FUT8: variants seen among roughly 807,000 people sequenced by gnomAD.
FUT8 encodes the protein fucosyltransferase 8.
A neutral mutation model predicts 71.3 loss-of-function variants in FUT8; 29 were observed. The ratio of observed to expected loss-of-function variants is 0.41; its 90% confidence interval spans 0.30 to 0.55. The LOEUF is 0.55. Among genes scored for constraint, FUT8 ranks in the 20% least tolerant of loss-of-function variants. The probability of loss-of-function intolerance (pLI) is 0.34; values close to 1 mark genes in which losing one functional copy is unlikely to be tolerated. For missense variants in FUT8, 544 were observed against 702.1 expected, an observed-to-expected ratio of 0.77 and a Z score of 2.55; for synonymous variants, 254 against 239.3, an observed-to-expected ratio of 1.06 and a Z score of -0.57.
chr14:65,713,042 AC>A (rs891410097), intron 7 of FUT8, among the ~76,000 whole-genome samples: 1 of 151,468 alleles, frequency 6.6e-6, no homozygotes, highest in Non-Finnish European at 1.5e-5. Context: ...ATCCTCCCTT[AC>A]CCCCCACCTC....
intron 2 of FUT8, among the ~76,000 whole-genome samples, chr14:65,525,717 C>G (rs910840143): frequency 6.6e-6 from 1 of 152,232 alleles, no homozygotes; most frequent in Non-Finnish European, 1.5e-5. Flanking sequence ...AAATTTCCCT[C>G]TACAGACTGC....
chr14:65,565,433 A>G (rs1051664444), intron 3 of FUT8, among the ~76,000 whole-genome samples: 1 of 151,070 alleles, frequency 6.6e-6, no homozygotes, highest in Non-Finnish European at 1.5e-5. Flanking sequence ...GGTTATTTCC[A>G]TTTTGGGGCA....
In FUT8 at chr14:65,525,700, G is replaced by T. The variant is rs576823140; in HGVS notation, c.-227-35637G>T. ...TCCTGCTTTCTCTTGTGGGCATTTAGTGCTATAAATTTCCCTCTACAGACT... is the reference window on the plus strand; with the variant it reads ...TCCTGCTTTCTCTTGTGGGCATTTATTGCTATAAATTTCCCTCTACAGACT... On this transcript the variant is annotated intron_variant, in intron 2 of 10. Coordinates refer to ENST00000673929, the MANE Select transcript of FUT8 (RefSeq NM_001371533.1). Among the ~76,000 whole-genome samples the T allele has an allele frequency of 1.1e-4, 16 of 152,290 alleles. No individual in the cohort carries two copies. In the South Asian group the frequency reaches 2.9e-3, roughly 28 times the overall value.
chr14:65,691,225 C>T (rs551962074), intron 7 of FUT8, among the ~76,000 whole-genome samples: 2 of 151,026 alleles, frequency 1.3e-5, no homozygotes, highest in African/African-American at 4.9e-5. Context: ...ATCTGTATAC[C>T]TTTTCTTTCT....
chr14:65,687,182 T>C (rs1423758090), intron 7 of FUT8, among the ~76,000 whole-genome samples: 1 of 152,154 alleles, frequency 6.6e-6, no homozygotes, highest in Non-Finnish European at 1.5e-5. Flanking sequence ...GCCCTCTCTT[T>C]AGTCAAAGAG....
At chr14:65,433,839 A>G (rs900632105) in intron 1 of FUT8, among the ~76,000 whole-genome samples, 10 of 143,702 alleles carry the variant, frequency 7.0e-5, no homozygotes, top group African/African-American at 2.5e-4. Context: ...CCAGGTTGGA[A>G]CACAGTGGCT....
chr14:65,553,975 T>G (rs1001006858), intron 2 of FUT8, among the ~76,000 whole-genome samples: 2 of 152,086 alleles, frequency 1.3e-5, no homozygotes, highest in Non-Finnish European at 2.9e-5. Flanking sequence ...AGCTAACATC[T>G]CTTTAAATGT....
At chr14:65,516,343 G>T (rs1433173240) in intron 2 of FUT8, 1 of 152,156 alleles carries the variant, frequency 6.6e-6, no homozygotes, top group Non-Finnish European at 1.5e-5. Flanking sequence ...TCAAAACTTA[G>T]TTGAAAATCA....
At chr14:65,555,655 A>G (rs1885548084) in intron 2 of FUT8, among the ~76,000 whole-genome samples, 1 of 152,232 alleles carries the variant, frequency 6.6e-6, no homozygotes, top group South Asian at 2.1e-4. Flanking sequence ...TCTAGGCAGA[A>G]GGCTAAAGTG....
At chr14:65,589,260 A>G (rs1391623771) in intron 3 of FUT8, among the ~76,000 whole-genome samples, 2 of 152,182 alleles carry the variant, frequency 1.3e-5, no homozygotes, top group Non-Finnish European at 1.5e-5. Flanking sequence ...TTAAATGTCA[A>G]AATCTACAAT....
chr14:65,557,564 C>A (rs1885660975), intron 2 of FUT8, among the ~76,000 whole-genome samples: 1 of 151,496 alleles, frequency 6.6e-6, no homozygotes, highest in South Asian at 2.1e-4. Flanking sequence ...AACTCCTGAC[C>A]TTGTGATCCA....
At chr14:65,417,883 G>A (rs866531130) in intron 1 of FUT8, among the ~76,000 whole-genome samples, 1 of 152,044 alleles carries the variant, frequency 6.6e-6, no homozygotes, top group Admixed American at 6.6e-5. Flanking sequence ...TGTATTTGTT[G>A]TATTTTATAA....
At chr14:65,623,830 T>C (rs1889754527) in intron 5 of FUT8, among the ~76,000 whole-genome samples, 1 of 152,216 alleles carries the variant, frequency 6.6e-6, no homozygotes, top group Non-Finnish European at 1.5e-5. Context: ...AGCTTTGTTA[T>C]TTCCCAAACC....
At chr14:65,740,153 A>G (rs1453952749) in intron 10 of FUT8, among the ~76,000 whole-genome samples, 1 of 152,006 alleles carries the variant, frequency 6.6e-6, no homozygotes, top group Non-Finnish European at 1.5e-5. Context: ...GTATTCTACC[A>G]ATGATCTCAA....
At chr14:65,617,223 G>A in intron 5 of FUT8, 1 of 1,493,452 alleles carries the variant, frequency 6.7e-7, no homozygotes, top group South Asian at 1.4e-5. Flanking sequence ...AACATCAGCA[G>A]CAATATTATA....
At chr14:65,482,409 C>T (rs2066345448) in intron 2 of FUT8, among the ~76,000 whole-genome samples, 1 of 151,846 alleles carries the variant, frequency 6.6e-6, no homozygotes, top group South Asian at 2.1e-4. Flanking sequence ...TTTTAAGCAA[C>T]ACCCTCCAAA....
At chr14:65,436,778 T>A (rs918380449) in intron 1 of FUT8, among the ~76,000 whole-genome samples, 2 of 152,208 alleles carry the variant, frequency 1.3e-5, no homozygotes, top group Admixed American at 1.3e-4. Context: ...TTTTTCCTAC[T>A]GGAGTTGTGC....
chr14:65,502,439 G>A lies in FUT8; in HGVS notation c.-228+46721G>A, dbSNP rs144451155. Among the ~76,000 whole-genome samples the A allele has an allele frequency of 3.5e-3, 527 of 152,130 alleles. 2 individuals are homozygous for A. The highest frequency in any genetic ancestry group is 0.012 in the African/African-American group (501 of 41,488). ...AGGGTTTCACCATGTTGCCCAGGCTGGTCTCGAACTCCAGACCTCAAGTGA... is the reference window on the plus strand; with the variant it reads ...AGGGTTTCACCATGTTGCCCAGGCTAGTCTCGAACTCCAGACCTCAAGTGA... On this transcript the variant is annotated intron_variant, in intron 2 of 10. Transcript: ENST00000673929.
chr14:65,457,729 A>G (rs894387919), intron 2 of FUT8, among the ~76,000 whole-genome samples: 4 of 152,172 alleles, frequency 2.6e-5, no homozygotes, highest in African/African-American at 7.2e-5. Context: ...CAGAGCAGGG[A>G]GTTTCACAAT....
Sources: gnomAD v4.1 joint callset for allele counts (sites outside exome capture counted in the v4.1 genomes callset) on GRCh38, gnomAD v4.1.1 for gene constraint, MANE v1.5 for transcripts, NCBI Gene and HGNC (gene_info 2026-07-23, HGNC 2026-07-21) for gene names.